The following CELF2 variants were observed in gnomAD, a reference collection of about 807,000 sequenced individuals.
CELF2 encodes the protein CUGBP Elav-like family member 2.
Under a neutral mutation model 62.6 loss-of-function variants are expected in CELF2, and 8 were observed. That is an observed-to-expected ratio of 0.13 (90% CI 0.07 to 0.23). The LOEUF (loss-of-function observed/expected upper bound fraction) is 0.23. Ranked by LOEUF, CELF2 falls within the 10% of genes least tolerant of loss-of-function variation. CELF2 has a pLI of 1.00. For missense variants in CELF2, 333 were observed against 671.0 expected (o/e 0.50, Z 5.56); for synonymous variants, 258 against 250.0 (o/e 1.03, Z -0.30).
chr10:10,835,669 C>T (rs2058231353), intron 1 of CELF2, among the ~76,000 whole-genome samples: 1 of 152,132 alleles, frequency 6.6e-6, no homozygotes, highest in Non-Finnish European at 1.5e-5. Flanking sequence ...AGGTGTGAGC[C>T]ACCACGCCCA....
At chr10:10,824,027 A>G (rs1228551380) in intron 1 of CELF2, among the ~76,000 whole-genome samples, 1 of 150,686 alleles carries the variant, frequency 6.6e-6, no homozygotes, top group Non-Finnish European at 1.5e-5. Context: ...GATGATAGAT[A>G]AGAGAGAGAG....
chr10:10,686,121 A>T, the CELF2 span, among the ~76,000 whole-genome samples: 1,446 of 152,198 alleles, frequency 9.5e-3, 15 homozygotes, highest in Non-Finnish European at 0.014. Flanking sequence ...ACGTGAGAAG[A>T]TGATTTCGTT....
At position 11,333,972 on chromosome 10, in the gene CELF2, G is replaced by A. The variant is rs1410626923; in HGVS notation, c.*4919G>A. ...TTTCAAGTTTGATTTCGGGTTGATTGATTGATTGATTGATAGAAAGAAAGT... is the reference window on the plus strand; with the variant it reads ...TTTCAAGTTTGATTTCGGGTTGATTAATTGATTGATTGATAGAAAGAAAGT... On this transcript the variant is annotated 3_prime_UTR_variant, in exon 13 of 13. Transcript: ENST00000633077. 1.3e-5 allele frequency: 2 copies of A among 151,922 alleles called. No individual in the cohort carries two copies. The highest frequency in any genetic ancestry group is 2.9e-5 in the Non-Finnish European group (2 of 67,996). The allele number at this position is 151,922 out of a possible 1,614,324, so 9.4% of individuals were successfully genotyped here.
chr10:11,293,880 C>T (rs1040948905), intron 9 of CELF2, among the ~76,000 whole-genome samples: 3 of 152,060 alleles, frequency 2.0e-5, no homozygotes, highest in South Asian at 2.1e-4. Flanking sequence ...TCTAGTTTAG[C>T]GCACACGTCT....
At chr10:10,480,708 A>G in the CELF2 span, among the ~76,000 whole-genome samples, 1 of 152,214 alleles carries the variant, frequency 6.6e-6, no homozygotes, top group Non-Finnish European at 1.5e-5. Flanking sequence ...TGTAACAACT[A>G]CCTTTGAAAG....
chr10:11,180,423 C>T (rs1204728182), intron 2 of CELF2, among the ~76,000 whole-genome samples: 4 of 152,182 alleles, frequency 2.6e-5, no homozygotes, highest in African/African-American at 9.7e-5. Context: ...TGAACAGGGC[C>T]GTTGAGCAGA....
chr10:11,165,182 C>G lies in CELF2; in HGVS notation c.75-304C>G. ...CTTGCAGAGCTAGACCTGCACTTAA[C>G]TTGCAGCTGCCTCCCGAGCCTCCAA... On this transcript the variant is annotated intron_variant, in intron 1 of 12. Transcript: ENST00000633077. The surrounding 1 kb of genome is among the most constrained non-coding windows in gnomAD (Gnocchi z 7.4). The G allele has an allele frequency of 8.2e-7, 1 of 1,221,220 alleles. No homozygotes were observed. The highest frequency in any genetic ancestry group is 1.0e-6 in the Non-Finnish European group (1 of 973,010). The allele number at this position is 1,221,220 out of a possible 1,614,324, so 75.6% of individuals were successfully genotyped here.
intron 3 of CELF2, among the ~76,000 whole-genome samples, chr10:11,230,395 T>C (rs370865462): frequency 1.3e-5 from 2 of 152,190 alleles, no homozygotes; most frequent in African/African-American, 2.4e-5. Context: ...CGATGCTCTT[T>C]CCCTGGGAGT....
intron 2 of CELF2, among the ~76,000 whole-genome samples, chr10:11,216,431 T>C (rs929653272): frequency 6.6e-6 from 1 of 152,228 alleles, no homozygotes; most frequent in Admixed American, 6.5e-5. Flanking sequence ...ATCACTTTAC[T>C]TTTTTTCCTC....
chr10:10,785,542 TA>T, the CELF2 span, among the ~76,000 whole-genome samples: 2 of 152,090 alleles, frequency 1.3e-5, no homozygotes, highest in African/African-American at 2.4e-5. Flanking sequence ...TATTTAACCT[TA>T]AAAAAAGAAG....
intron 1 of CELF2, among the ~76,000 whole-genome samples, chr10:10,855,953 C>T (rs1404027313): frequency 2.0e-5 from 3 of 151,950 alleles, no homozygotes; most frequent in Admixed American, 1.3e-4. Context: ...GCAAGAAAGG[C>T]GGCAAAGAGA....
At chr10:11,283,914 G>A (rs1252814603) in intron 8 of CELF2, among the ~76,000 whole-genome samples, 12 of 146,448 alleles carry the variant, frequency 8.2e-5, no homozygotes, top group Admixed American at 1.4e-4. Flanking sequence ...CTGTGTGGTA[G>A]GTGGATGATG....
At chr10:11,274,789 T>C (rs2085357392) in intron 7 of CELF2, among the ~76,000 whole-genome samples, 1 of 152,230 alleles carries the variant, frequency 6.6e-6, no homozygotes, top group African/African-American at 2.4e-5. Context: ...TTGGTTTCAA[T>C]AGATCTAACA....
chr10:10,524,814 G>A, the CELF2 span, among the ~76,000 whole-genome samples: 2 of 152,006 alleles, frequency 1.3e-5, no homozygotes, highest in African/African-American at 4.8e-5. Flanking sequence ...TAGAAATATA[G>A]CACGTGTATT....
At chr10:11,123,689 TA>T (rs2058173158) in intron 1 of CELF2, among the ~76,000 whole-genome samples, 1 of 152,214 alleles carries the variant, frequency 6.6e-6, no homozygotes, top group Non-Finnish European at 1.5e-5. Flanking sequence ...AAGAGCCTGC[TA>T]CCCCCATCCT....
At chr10:10,903,096 C>A (rs2063062864) in intron 1 of CELF2, among the ~76,000 whole-genome samples, 2 of 152,186 alleles carry the variant, frequency 1.3e-5, no homozygotes, top group South Asian at 2.1e-4. Flanking sequence ...AGTGAGATTT[C>A]TTTGGAGCTC....
At chr10:10,905,980 A>G (rs1209584507) in intron 1 of CELF2, among the ~76,000 whole-genome samples, 1 of 152,216 alleles carries the variant, frequency 6.6e-6, no homozygotes, top group Non-Finnish European at 1.5e-5. Context: ...CTGAGGCAGG[A>G]GAATTGCTTC....
the CELF2 span, among the ~76,000 whole-genome samples, chr10:10,500,499 A>G: frequency 1.3e-5 from 2 of 152,148 alleles, no homozygotes; most frequent in Non-Finnish European, 2.9e-5. Flanking sequence ...TGATGGTTTT[A>G]TAAAGGTTTT....
At chr10:11,155,574 T>C (rs996050504) in intron 1 of CELF2, among the ~76,000 whole-genome samples, 1 of 152,202 alleles carries the variant, frequency 6.6e-6, no homozygotes, top group Non-Finnish European at 1.5e-5. Flanking sequence ...TGCTCTAAGA[T>C]CATTTTTTTC....
Sources: allele counts gnomAD v4.1 joint callset (sites outside exome capture counted in the v4.1 genomes callset), GRCh38; gene constraint gnomAD v4.1.1; non-coding constraint Gnocchi (gnomAD v3.1); transcripts MANE v1.5; gene names NCBI Gene and HGNC (gene_info 2026-07-23, HGNC 2026-07-21).